The following MCPH1 variants were observed in gnomAD, a reference collection of about 807,000 sequenced individuals.
MCPH1 encodes microcephalin.
Under a neutral mutation model 84.5 loss-of-function variants are expected in MCPH1, and 104 were observed. The ratio of observed to expected loss-of-function variants is 1.23; its 90% CI spans 1.05 to 1.45. MCPH1 has a LOEUF of 1.45. Among genes scored for constraint, MCPH1 ranks in the 40% most tolerant of loss-of-function variants. The pLI is 0.00. For synonymous variants in MCPH1, 514 were observed against 366.8 expected (o/e 1.40, Z -4.58); for missense variants, 1,498 against 1,005.7 (o/e 1.49, Z -6.62).
chr8:6,468,841 C>T (rs920116084), intron 9 of MCPH1, among the ~76,000 whole-genome samples: 10 of 151,860 alleles, frequency 6.6e-5, no homozygotes, highest in Admixed American at 6.6e-4. Flanking sequence ...AAACAGTCCA[C>T]ATAAGGGAAA....
At chr8:6,440,222 C>T (rs1037657858) in intron 6 of MCPH1, among the ~76,000 whole-genome samples, 2 of 151,858 alleles carry the variant, frequency 1.3e-5, no homozygotes, top group African/African-American at 4.8e-5. Context: ...TTTTTTTAAC[C>T]ATATGGTTTG....
chr8:6,622,611 T>A (rs955644632), intron 13 of MCPH1, among the ~76,000 whole-genome samples: 1 of 152,162 alleles, frequency 6.6e-6, no homozygotes, highest in African/African-American at 2.4e-5. Context: ...ACAACACGCA[T>A]TGTCTCTCAG....
chr8:6,536,381 C>T (rs1388396775), intron 12 of MCPH1, among the ~76,000 whole-genome samples: 2 of 145,252 alleles, frequency 1.4e-5, no homozygotes, highest in Admixed American at 7.0e-5. Context: ...ACCCAGAGGC[C>T]GCTTCATACT....
intron 9 of MCPH1, among the ~76,000 whole-genome samples, chr8:6,471,751 G>T (rs1563254723): frequency 6.6e-6 from 1 of 152,160 alleles, no homozygotes; most frequent in Non-Finnish European, 1.5e-5. Flanking sequence ...TTTAGACAAT[G>T]CCATAAGAAG....
chr8:6,605,370 T>C (rs1294581681), intron 12 of MCPH1, among the ~76,000 whole-genome samples: 2 of 152,166 alleles, frequency 1.3e-5, no homozygotes, highest in Non-Finnish European at 2.9e-5. Flanking sequence ...GTTTTGTAAC[T>C]AGAGCAGGGA....
At chr8:6,438,930 G>C (rs1475127563) in intron 5 of MCPH1, 23 bp from the exon 6 acceptor site, 1 of 1,608,950 alleles carries the variant, frequency 6.2e-7, no homozygotes, top group East Asian at 2.2e-5. Context: ...TGGTCTTAAA[G>C]TGGATTTTTT....
intron 12 of MCPH1, among the ~76,000 whole-genome samples, chr8:6,509,284 C>T (rs915562339): frequency 1.3e-5 from 2 of 152,030 alleles, no homozygotes; most frequent in Non-Finnish European, 2.9e-5. Flanking sequence ...ACCTTCAACA[C>T]ATATCACTTG....
chr8:6,420,455 T>G (rs893168325), intron 3 of MCPH1, among the ~76,000 whole-genome samples: 20 of 152,230 alleles, frequency 1.3e-4, no homozygotes, highest in African/African-American at 4.8e-4. Flanking sequence ...GAATTTGCGC[T>G]GTTATCTCCG....
intron 12 of MCPH1, among the ~76,000 whole-genome samples, chr8:6,542,832 G>T (rs1206476255): frequency 6.6e-6 from 1 of 152,070 alleles, no homozygotes; most frequent in Admixed American, 6.6e-5. Context: ...AATTTACTTG[G>T]TCACAATGAC....
chr8:6,578,762 A>C (rs1218598471), intron 12 of MCPH1, among the ~76,000 whole-genome samples: 2 of 152,192 alleles, frequency 1.3e-5, no homozygotes, highest in Non-Finnish European at 2.9e-5. Flanking sequence ...TCAGGAAGAC[A>C]AGGCAGATCA....
intron 12 of MCPH1, chr8:6,532,609 T>C (rs938885755): frequency 1.5e-4 from 106 of 696,518 alleles, no homozygotes; most frequent in Non-Finnish European, 2.1e-4. Flanking sequence ...AAAAGACTTG[T>C]ACCTTGCCTT....
At chr8:6,447,103 A>C (rs1804503669) in intron 8 of MCPH1, 1 of 985,372 alleles carries the variant, frequency 1.0e-6, no homozygotes, top group Non-Finnish European at 1.2e-6. Context: ...CATTACAGAC[A>C]GACGGGAAGT....
At chr8:6,521,830 A>G (rs1164461839) in intron 12 of MCPH1, among the ~76,000 whole-genome samples, 1 of 152,168 alleles carries the variant, frequency 6.6e-6, no homozygotes, top group East Asian at 1.9e-4. Context: ...GCTTTCTCCT[A>G]AACTATTTAT....
chr8:6,444,000 T>C (rs1219486991), intron 7 of MCPH1, among the ~76,000 whole-genome samples: 1 of 152,224 alleles, frequency 6.6e-6, no homozygotes, highest in East Asian at 1.9e-4. Flanking sequence ...AGGGAATGTT[T>C]CATGCAAGTC....
chr8:6,546,650 T>C lies in MCPH1; in HGVS notation c.2214+46721T>C, dbSNP rs113943187. On this transcript the variant is annotated intron_variant, in intron 12 of 13. Transcript: ENST00000344683. ...GCTAACCGCTTAATACAAGCAACTG[T>C]TGGCCTAGAGATAAATAGAGAAAAA... Among the ~76,000 whole-genome samples, 614 of 152,308 alleles carry C rather than the reference T, an allele frequency of 4.0e-3. 8 individuals are homozygous for C. Among genetic ancestry groups the C allele is most frequent in the African/African-American group, 0.014 (586 of 41,554 alleles).
intron 12 of MCPH1, chr8:6,562,572 G>GTTTTTAAAAACAGA: frequency 2.3e-5 from 1 of 42,832 alleles, no homozygotes; most frequent in Non-Finnish European, 4.8e-5. Context: ...TTTTTTTTTT[G>GTTTTTAAAAACAGA]GTTGTTAAAA....
At chr8:6,473,802 A>T in intron 9 of MCPH1, 1 of 1,105,908 alleles carries the variant, frequency 9.0e-7, no homozygotes, top group East Asian at 2.5e-5. Context: ...CAGCAGAGAG[A>T]TATCAGCAAG....
At chr8:6,610,284 C>A (rs374061874) in intron 12 of MCPH1, among the ~76,000 whole-genome samples, 1 of 152,208 alleles carries the variant, frequency 6.6e-6, no homozygotes, top group Non-Finnish European at 1.5e-5. Context: ...AAAACACGAG[C>A]CACCTTGATT....
At chr8:6,471,212 G>A (rs571290581) in intron 9 of MCPH1, among the ~76,000 whole-genome samples, 4 of 152,206 alleles carry the variant, frequency 2.6e-5, no homozygotes, top group South Asian at 2.1e-4. Flanking sequence ...CTTTGTAAGC[G>A]TTGGCGCCAT....
Sources: gnomAD v4.1 joint callset for allele counts (sites outside exome capture counted in the v4.1 genomes callset) on GRCh38, gnomAD v4.1.1 for gene constraint, MANE v1.5 for transcripts, NCBI Gene and HGNC (gene_info 2026-07-23, HGNC 2026-07-21) for gene names.